Variants in POTEI observed in about 807,000 individuals in gnomAD.
POTEI encodes POTE ankyrin domain family member I.
A neutral mutation model predicts 43.4 loss-of-function variants in POTEI; 14 were observed. The ratio of observed to expected loss-of-function variants is 0.32; its 90% CI spans 0.21 to 0.50. The LOEUF is 0.50. Ranked by LOEUF, POTEI falls within the 20% of genes least tolerant of loss-of-function variation. The probability of loss-of-function intolerance (pLI) is 0.98; values close to 1 mark genes in which losing one functional copy is unlikely to be tolerated. For missense variants in POTEI, 235 were observed against 795.4 expected, an observed-to-expected ratio of 0.30 and a Z score of 8.47; for synonymous variants, 95 against 297.9, an observed-to-expected ratio of 0.32 and a Z score of 7.01.
In POTEI at chr2:130,461,563, CG is replaced by C. The variant is rs1188424723; in HGVS notation, c.*1252del. The C allele has an allele frequency of 2.0e-5, 3 of 152,194 alleles. No individual in the cohort carries two copies. Among genetic ancestry groups the C allele is most frequent in the African/African-American group, 7.2e-5 (3 of 41,428 alleles). 9.4% of individuals were successfully genotyped at this position (152,194 alleles called of 1,614,324 possible). ...CCCGCAGGCCAGAATGGCTAGTCAC[CG>C]AAAGAGCAAAGGTGGGGGCCTGCCC... On this transcript the variant is annotated 3_prime_UTR_variant, in exon 15 of 15. Coordinates refer to ENST00000451531, the MANE Select transcript of POTEI (RefSeq NM_001277406.2).
intron 9 of POTEI, among the ~76,000 whole-genome samples, chr2:130,485,288 C>CTGAGATCAGGAGTT (rs1683559031): frequency 6.7e-6 from 1 of 149,908 alleles, no homozygotes; most frequent in African/African-American, 2.5e-5. Flanking sequence ...GACAGATCAC[C>CTGAGATCAGGAGTT]TGAGATCAGG....
chr2:130,482,776 AC>A (rs1683439510), intron 9 of POTEI, among the ~76,000 whole-genome samples: 1 of 146,116 alleles, frequency 6.8e-6, no homozygotes, highest in Non-Finnish European at 1.5e-5. Flanking sequence ...GTCCACTATT[AC>A]GGAGTTGATC....
At chr2:130,464,520 A>G (rs1451972130) in intron 14 of POTEI, among the ~76,000 whole-genome samples, 30 of 144,492 alleles carry the variant, frequency 2.1e-4, no homozygotes, top group Middle Eastern at 3.7e-3. Flanking sequence ...ATTTGACTAC[A>G]TTTTTAAGAT....
chr2:130,483,955 G>A lies in POTEI; in HGVS notation c.1410-1882C>T, dbSNP rs1421016555. 5.3e-5 allele frequency among the ~76,000 whole-genome samples: 8 copies of A among 150,210 alleles called. 1 individual carries two copies. Among genetic ancestry groups the A allele is most frequent in the South Asian group, 2.1e-4 (1 of 4,722 alleles). On this transcript the variant is annotated intron_variant, in intron 9 of 14. Transcript: ENST00000451531. ...TAAACTCCATTCACTTATTTAACAA[G>A]TATTTATTAGGTAGCTACATCCAAT... is the stretch of plus-strand genomic sequence containing the variant.
At position 130,507,318 on chromosome 2, in the gene POTEI, ACACACAC is replaced by A. The variant is rs1311829539; in HGVS notation, c.521+1390_521+1396del. ...TATATATATATATATATATATATATACACACACACACACACACACATATATATGTATA... is the reference window on the plus strand; with the variant it reads ...TATATATATATATATATATATATATAACACACACACACATATATATGTATA... On this transcript the variant is annotated intron_variant, in intron 1 of 14. Transcript: ENST00000451531. 3.5e-3 allele frequency among the ~76,000 whole-genome samples: 16 copies of A among 4,550 alleles called. 1 individual carries two copies. The highest frequency in any genetic ancestry group is 7.0e-3 in the African/African-American group (16 of 2,296). 3.0% of individuals were successfully genotyped at this position (4,550 alleles called of 152,430 possible). A position where few individuals can be genotyped will look rare whatever the true frequency, so the allele number is the denominator to read the frequency against.
At chr2:130,483,627 C>T (rs1438004175) in intron 9 of POTEI, among the ~76,000 whole-genome samples, 1 of 106,138 alleles carries the variant, frequency 9.4e-6, no homozygotes, top group African/African-American at 3.8e-5. Flanking sequence ...CGGAGTCTTG[C>T]TCTGTCACCC....
At chr2:130,494,842 C>G (rs1023537733) in intron 6 of POTEI, among the ~76,000 whole-genome samples, 1 of 113,636 alleles carries the variant, frequency 8.8e-6, no homozygotes. Flanking sequence ...CCATGGCACA[C>G]AGGATAAGAC....
At position 130,482,402 on chromosome 2, in the gene POTEI, C is replaced by G. The variant is rs200402567; in HGVS notation, c.1410-329G>C. On this transcript the variant is annotated intron_variant, in intron 9 of 14. Coordinates refer to ENST00000451531, the MANE Select transcript of POTEI (RefSeq NM_001277406.2). ...CTATTTGCTCTTGAACAAGCTGCTT[C>G]TCTTAGGCTTAATGTCTTCTTCTAC... Among the ~76,000 whole-genome samples the G allele has an allele frequency of 3.3e-4, 50 of 150,502 alleles. 1 individual carries two copies. In the East Asian group the frequency reaches 8.6e-3, roughly 26 times the overall value.
At chr2:130,477,132 C>A (rs1683221631) in intron 10 of POTEI, among the ~76,000 whole-genome samples, 1 of 151,300 alleles carries the variant, frequency 6.6e-6, no homozygotes, top group African/African-American at 2.4e-5. Context: ...ACTATTCTGA[C>A]AAATTTATTT....
At chr2:130,484,954 T>C (rs1462427872) in intron 9 of POTEI, among the ~76,000 whole-genome samples, 19 of 152,228 alleles carry the variant, frequency 1.2e-4, no homozygotes, top group African/African-American at 4.3e-4. Context: ...GAGGGACAGA[T>C]GAGTCAAGAA....
In POTEI at chr2:130,460,626, TGGAG is replaced by T. The variant is rs1315722485; in HGVS notation, c.*2186_*2189del. On this transcript the variant is annotated 3_prime_UTR_variant, in exon 15 of 15. Coordinates refer to ENST00000451531, the MANE Select transcript of POTEI (RefSeq NM_001277406.2). ...ATCACTTAGTGTAATCAGCCCAGGA[TGGAG>T]GGTCTGTGCTGTGGGCCCAAGCCAG... The T allele has an allele frequency of 2.1e-5, 3 of 145,552 alleles. No homozygotes were observed. The highest frequency in any genetic ancestry group is 7.7e-5 in the African/African-American group (3 of 38,988). The allele number at this position is 145,552 out of a possible 1,614,324, so 9.0% of individuals were successfully genotyped here.
chr2:130,463,661 G>C lies in POTEI; in HGVS notation c.2383C>G (p.Arg795Gly). 6.2e-7 allele frequency: 1 copy of C among 1,607,486 alleles called. No homozygotes were observed. The highest frequency in any genetic ancestry group is 8.5e-7 in the Non-Finnish European group (1 of 1,179,522). Residue 795 changes from arginine to glycine, a missense_variant, in exon 15 of 15, where the codon CGT (arginine) becomes GGT (glycine). Arg to Gly is a moderately radical substitution (Grantham distance 125). Coordinates refer to ENST00000451531, the MANE Select transcript of POTEI (RefSeq NM_001277406.2). ...IWHHTFYNELRVAPEEHPILL... is the reference protein window; with the variant it reads ...IWHHTFYNELGVAPEEHPILL... Reference sequence around the variant, plus strand: ...ATGGGGTGCTCCTCAGGGGCCACACGCAGCTCGTTGTAGAAGGTGTGGTGC... The same window carrying C: ...ATGGGGTGCTCCTCAGGGGCCACACCCAGCTCGTTGTAGAAGGTGTGGTGC...
intron 13 of POTEI, among the ~76,000 whole-genome samples, chr2:130,468,675 T>C (rs1682938298): frequency 6.8e-6 from 1 of 147,138 alleles, no homozygotes; most frequent in African/African-American, 2.5e-5. Context: ...TGACATGAGA[T>C]TTGCATAGAA....
intron 13 of POTEI, among the ~76,000 whole-genome samples, chr2:130,467,421 G>T (rs1454732906): frequency 1.6e-4 from 20 of 127,064 alleles, no homozygotes; most frequent in Non-Finnish European, 2.5e-4. Context: ...GAAAGTACAG[G>T]TTATTCAATA....
At chr2:130,491,805 C>T (rs1421394598) in intron 6 of POTEI, among the ~76,000 whole-genome samples, 1 of 107,274 alleles carries the variant, frequency 9.3e-6, no homozygotes, top group Admixed American at 1.1e-4. Flanking sequence ...CAGGCATGCA[C>T]CATCATGCCC....
intron 9 of POTEI, among the ~76,000 whole-genome samples, chr2:130,483,697 C>T (rs1683479951): frequency 1.4e-5 from 2 of 144,644 alleles, no homozygotes; most frequent in African/African-American, 2.6e-5. Flanking sequence ...TGGGTTCATG[C>T]CATTCTCCTG....
At chr2:130,502,096 G>T (rs1230071722) in intron 3 of POTEI, among the ~76,000 whole-genome samples, 730 of 48,950 alleles carry the variant, frequency 0.015, 2 homozygotes, top group African/African-American at 0.028. Flanking sequence ...CGTCGTTGTT[G>T]TTGTTGTTGT....
At chr2:130,468,709 G>C (rs1441806334) in intron 13 of POTEI, among the ~76,000 whole-genome samples, 1 of 150,762 alleles carries the variant, frequency 6.6e-6, no homozygotes, top group Non-Finnish European at 1.5e-5. Flanking sequence ...CTATTGGGGG[G>C]GGGGGTATCC....
At chr2:130,467,299 G>C (rs1682858727) in intron 13 of POTEI, among the ~76,000 whole-genome samples, 1 of 92,014 alleles carries the variant, frequency 1.1e-5, no homozygotes, top group Admixed American at 1.4e-4. Flanking sequence ...GAAGCAGCGT[G>C]GTACTCGTAT....
Sources: gnomAD v4.1 joint callset for allele counts (sites outside exome capture counted in the v4.1 genomes callset) on GRCh38, gnomAD v4.1.1 for gene constraint, MANE v1.5 for transcripts, NCBI Gene and HGNC (gene_info 2026-07-23, HGNC 2026-07-21) for gene names.